The following LRRC36 variants were observed in gnomAD, a reference collection of about 807,000 sequenced individuals.
The protein encoded by LRRC36 is leucine-rich repeat-containing protein 36.
A neutral mutation model predicts 81.1 loss-of-function variants in LRRC36; 62 were observed. The observed-to-expected ratio is 0.76, with a 90% CI of 0.62 to 0.94. The LOEUF (loss-of-function observed/expected upper bound fraction) is 0.94. Among genes scored for constraint, LRRC36 ranks in the 40% least tolerant of loss-of-function variants. LRRC36 has a pLI of 0.00. For synonymous variants in LRRC36, 334 were observed against 348.6 expected, an observed-to-expected ratio of 0.96 and a Z score of 0.47; for missense variants, 761 against 881.7, an observed-to-expected ratio of 0.86 and a Z score of 1.73.
chr16:67,333,698 A>T (rs1033902624), intron 1 of LRRC36, among the ~76,000 whole-genome samples: 4 of 152,122 alleles, frequency 2.6e-5, no homozygotes, highest in African/African-American at 4.8e-5. Flanking sequence ...TATTTTCATT[A>T]TTCATTCATG....
In LRRC36 at chr16:67,367,306, T is replaced by G; in HGVS notation, c.1044T>G (p.Gly348=). 1 of 1,614,152 alleles carries G rather than the reference T, an allele frequency of 6.2e-7. No individual in the cohort carries two copies. Among genetic ancestry groups the G allele is most frequent in the African/African-American group, 1.3e-5 (1 of 75,048 alleles). ...SQTLSLHGSL[G]KRPQRSKNYQ... is the part of the protein sequence containing the mutation. Reference sequence around the variant, plus strand: ...CTCTATCCCTGCATGGAAGTCTTGGTAAAAGGCCTCAGAGAAGCAAGAACT... The same window carrying G: ...CTCTATCCCTGCATGGAAGTCTTGGGAAAAGGCCTCAGAGAAGCAAGAACT... Residue 348 remains glycine (G), a synonymous_variant, in exon 8 of 14, where the codon GGT becomes GGG. Coordinates refer to ENST00000329956, the MANE Select transcript of LRRC36 (RefSeq NM_018296.6).
intron 9 of LRRC36, among the ~76,000 whole-genome samples, chr16:67,373,418 C>T (rs902084645): frequency 2.7e-5 from 4 of 150,596 alleles, no homozygotes; most frequent in African/African-American, 2.4e-5. Flanking sequence ...TTTTTAAAGC[C>T]GGGCATGGAC....
chr16:67,350,122 C>T, intron 4 of LRRC36, 80 bp from the exon 5 acceptor site: 1 of 953,616 alleles, frequency 1.0e-6, no homozygotes, highest in Admixed American at 2.3e-5. Flanking sequence ...CCATAGACTG[C>T]TTTCTAAATA....
chr16:67,367,516 A>T, intron 8 of LRRC36, 59 bp downstream of exon 8: 2 of 1,480,334 alleles, frequency 1.4e-6, no homozygotes, highest in Non-Finnish European at 1.8e-6. Flanking sequence ...AGAAGATATA[A>T]GTGAAAATTT....
intron 5 of LRRC36, among the ~76,000 whole-genome samples, chr16:67,351,093 T>C (rs1473353790): frequency 2.6e-5 from 4 of 152,184 alleles, no homozygotes; most frequent in Non-Finnish European, 5.9e-5. Flanking sequence ...TTAATGGTCA[T>C]GTCACAGGCC....
At chr16:67,349,207 GTTTA>G (rs538532127) in intron 4 of LRRC36, among the ~76,000 whole-genome samples, 65 of 151,932 alleles carry the variant, frequency 4.3e-4, no homozygotes, top group Admixed American at 9.2e-4. Context: ...TCATTTATCT[GTTTA>G]TTTACCATAT....
At chr16:67,382,308 T>C (rs981220927) in intron 13 of LRRC36, 61 bp downstream of exon 13, 1 of 1,219,676 alleles carries the variant, frequency 8.2e-7, no homozygotes, top group Admixed American at 2.1e-5. Context: ...TTATCTCCTT[T>C]GTTTTGCTTG....
intron 5 of LRRC36, among the ~76,000 whole-genome samples, chr16:67,363,208 C>T (rs1282508488): frequency 6.6e-6 from 1 of 152,220 alleles, no homozygotes; most frequent in Non-Finnish European, 1.5e-5. Flanking sequence ...TTCCCAGCAT[C>T]TCCCCCTGTA....
chr16:67,370,654 CAGA>C (rs1196264914), intron 8 of LRRC36, among the ~76,000 whole-genome samples: 4 of 144,602 alleles, frequency 2.8e-5, no homozygotes, highest in Non-Finnish European at 3.0e-5. Context: ...AAAAAAAAAT[CAGA>C]AGAACTGGGC....
In LRRC36 at chr16:67,367,089, T is replaced by C. The variant is rs781167042; in HGVS notation, c.827T>C (p.Val276Ala). ...AAGATGACTAGAGAAGGGTACCAAG[T>C]ATCTTTTTTGGACAATAAGTCTTCA... is the stretch of plus-strand genomic sequence containing the variant. ...PEKMTREGYQ[V>A]SFLDNKSSGS... The change falls in exon 8 of 14, where the codon GTA (valine) becomes GCA (alanine). Residue 276 changes from valine (V) to alanine (A), a missense_variant. By Grantham distance (64) the Val-to-Ala change is moderately conservative (BLOSUM62 0). Coordinates refer to ENST00000329956, the MANE Select transcript of LRRC36 (RefSeq NM_018296.6). 12 of 1,614,040 alleles carry C rather than the reference T, an allele frequency of 7.4e-6. No individual in the cohort carries two copies. Among genetic ancestry groups the C allele is most frequent in the Non-Finnish European group, 1.0e-5 (12 of 1,180,020 alleles).
At chr16:67,355,505 G>C (rs1036068655) in intron 5 of LRRC36, among the ~76,000 whole-genome samples, 2 of 148,248 alleles carry the variant, frequency 1.3e-5, no homozygotes, top group African/African-American at 2.5e-5. Context: ...CTCCCAAGTA[G>C]CTGGGACTAC....
intron 5 of LRRC36, among the ~76,000 whole-genome samples, chr16:67,361,602 T>C (rs1347127564): frequency 1.3e-5 from 2 of 152,248 alleles, no homozygotes; most frequent in East Asian, 3.9e-4. Context: ...AAATGGAGTC[T>C]CACTCTGTCA....
intron 12 of LRRC36, 140 bp downstream of exon 12, chr16:67,378,852 CAG>C: frequency 1.2e-6 from 1 of 852,880 alleles, no homozygotes. Flanking sequence ...TGGCAGTTAA[CAG>C]AAACAATCAT....
intron 5 of LRRC36, among the ~76,000 whole-genome samples, chr16:67,358,166 GT>G (rs35944413): frequency 8.7e-4 from 120 of 137,352 alleles, no homozygotes; most frequent in Middle Eastern, 3.8e-3. Flanking sequence ...CAAGGCATCA[GT>G]TTTTTTTTTT....
chr16:67,372,357 CAA>C (rs1292857870), intron 9 of LRRC36, among the ~76,000 whole-genome samples: 4 of 129,528 alleles, frequency 3.1e-5, no homozygotes. Context: ...ACTCTGTCTC[CAA>C]AAAAAAAAAA....
chr16:67,337,346 C>A (rs1227675417), intron 1 of LRRC36, among the ~76,000 whole-genome samples: 2 of 150,026 alleles, frequency 1.3e-5, no homozygotes, highest in Non-Finnish European at 3.0e-5. Context: ...TTTATTATTT[C>A]TTTCTTTTAT....
intron 11 of LRRC36, 25 bp downstream of exon 11, chr16:67,376,897 G>C: frequency 6.3e-7 from 1 of 1,591,734 alleles, no homozygotes; most frequent in African/African-American, 1.3e-5. Context: ...TCTCCCTTTA[G>C]AAAAGGACAG....
intron 8 of LRRC36, among the ~76,000 whole-genome samples, chr16:67,368,055 T>G (rs1486844165): frequency 6.6e-6 from 1 of 152,124 alleles, no homozygotes; most frequent in African/African-American, 2.4e-5. Flanking sequence ...GACTCCATCT[T>G]GAAAACAAAA....
Position 67,372,595 on chromosome 16 carries a change from C to T in LRRC36, c.1494+1353C>T, listed in dbSNP as rs548042313. Reference sequence around the variant, plus strand: ...GAGGAACCCCAGCTCTTAGAGTCTTCTCTTCCCTTGTACCCAAGAACCTTT... The same window carrying T: ...GAGGAACCCCAGCTCTTAGAGTCTTTTCTTCCCTTGTACCCAAGAACCTTT... On this transcript the variant is annotated intron_variant, in intron 9 of 13. Coordinates refer to ENST00000329956, the MANE Select transcript of LRRC36 (RefSeq NM_018296.6). Among the ~76,000 whole-genome samples, 64 of 152,296 alleles carry T rather than the reference C, an allele frequency of 4.2e-4. 1 individual carries two copies. Among genetic ancestry groups the T allele is most frequent in the Non-Finnish European group, 8.2e-4 (56 of 68,018 alleles).
Sources: allele counts gnomAD v4.1 joint callset (sites outside exome capture counted in the v4.1 genomes callset), GRCh38; gene constraint gnomAD v4.1.1; transcripts MANE v1.5; gene names NCBI Gene and HGNC (gene_info 2026-07-23, HGNC 2026-07-21).